LRP1B: variants seen among roughly 807,000 people sequenced by gnomAD.
LRP1B encodes LDL receptor related protein 1B, also known as low-density lipoprotein receptor-related protein 1B.
LRP1B carries 217 observed loss-of-function variants against 556.6 expected under a neutral mutation model. The observed-to-expected ratio is 0.39, with a 90% CI of 0.35 to 0.44. LRP1B has a LOEUF of 0.44. LRP1B is among the 20% of genes least tolerant of loss of function. The probability of loss-of-function intolerance (pLI) is 1.00; values close to 1 mark genes in which losing one functional copy is unlikely to be tolerated. For missense variants in LRP1B, 5,053 were observed against 5,620.8 expected (o/e 0.90, Z 3.23); for synonymous variants, 2,047 against 1,865.8 (o/e 1.10, Z -2.50).
At chr2:141,484,438 T>C (rs1441046858) in intron 2 of LRP1B, among the ~76,000 whole-genome samples, 2 of 151,606 alleles carry the variant, frequency 1.3e-5, no homozygotes, top group Non-Finnish European at 2.9e-5. Flanking sequence ...ATTGACTTGG[T>C]GATGTGGGTT....
chr2:141,229,671 G>A (rs893541217), intron 5 of LRP1B, among the ~76,000 whole-genome samples: 1 of 152,118 alleles, frequency 6.6e-6, no homozygotes, highest in African/African-American at 2.4e-5. Context: ...GTCATAATGT[G>A]TTGTCTAAAT....
intron 41 of LRP1B, among the ~76,000 whole-genome samples, chr2:140,682,911 T>C (rs1467987786): frequency 6.6e-6 from 1 of 152,120 alleles, no homozygotes; most frequent in African/African-American, 2.4e-5. Context: ...TTTCAGAAAA[T>C]ATGAGCCTGA....
At chr2:140,537,009 A>C (rs1679933380) in intron 45 of LRP1B, among the ~76,000 whole-genome samples, 1 of 150,420 alleles carries the variant, frequency 6.6e-6, no homozygotes, top group Admixed American at 6.7e-5. Flanking sequence ...CCGTCTACTA[A>C]AAATACAAAA....
chr2:140,965,274 G>A (rs1696169935), intron 18 of LRP1B, among the ~76,000 whole-genome samples: 1 of 152,034 alleles, frequency 6.6e-6, no homozygotes, highest in Non-Finnish European at 1.5e-5. Flanking sequence ...AGTATTTCTT[G>A]TGGTTCTGCT....
chr2:140,293,258 G>T (rs998472420), intron 84 of LRP1B, among the ~76,000 whole-genome samples: 2 of 152,098 alleles, frequency 1.3e-5, no homozygotes, highest in Non-Finnish European at 2.9e-5. Flanking sequence ...TCAGATATTG[G>T]TTAACCTCAT....
At chr2:141,636,668 G>A (rs955307415) in intron 2 of LRP1B, among the ~76,000 whole-genome samples, 1 of 151,966 alleles carries the variant, frequency 6.6e-6, no homozygotes, top group Non-Finnish European at 1.5e-5. Flanking sequence ...GGTAAAACAT[G>A]TGAACTCAAC....
At chr2:141,400,220 C>G (rs1378635524) in intron 3 of LRP1B, among the ~76,000 whole-genome samples, 1 of 152,122 alleles carries the variant, frequency 6.6e-6, no homozygotes, top group Admixed American at 6.5e-5. Flanking sequence ...CTGAAGCAAT[C>G]CTTCTGCCTC....
At chr2:140,530,792 A>G (rs1421222819) in intron 47 of LRP1B, among the ~76,000 whole-genome samples, 20 of 152,132 alleles carry the variant, frequency 1.3e-4, no homozygotes, top group Non-Finnish European at 1.5e-5. Context: ...TCCAACTGTT[A>G]TAATTTTACC....
chr2:140,764,173 AAAAG>A (rs1307413080), intron 35 of LRP1B, among the ~76,000 whole-genome samples: 2 of 152,128 alleles, frequency 1.3e-5, no homozygotes, highest in African/African-American at 4.8e-5. Flanking sequence ...TAGAAAATAA[AAAAG>A]AGAGAGACTC....
At chr2:141,370,343 C>T (rs533947123) in intron 3 of LRP1B, among the ~76,000 whole-genome samples, 7 of 152,132 alleles carry the variant, frequency 4.6e-5, no homozygotes, top group South Asian at 2.1e-4. Flanking sequence ...ATACTAATTC[C>T]GATTGGTATA....
At chr2:141,543,020 C>A (rs1180728043) in intron 2 of LRP1B, among the ~76,000 whole-genome samples, 1 of 152,088 alleles carries the variant, frequency 6.6e-6, no homozygotes, top group African/African-American at 2.4e-5. Context: ...CAGTTTGCTA[C>A]TATTTGAGTA....
intron 66 of LRP1B, among the ~76,000 whole-genome samples, chr2:140,420,748 A>T (rs956154536): frequency 6.6e-6 from 1 of 152,240 alleles, no homozygotes; most frequent in Non-Finnish European, 1.5e-5. Context: ...AAGCCAGAGA[A>T]AATGAATACA....
chr2:141,783,815 AATAAC>A (rs1695338852), intron 2 of LRP1B, among the ~76,000 whole-genome samples: 1 of 151,890 alleles, frequency 6.6e-6, no homozygotes, highest in Non-Finnish European at 1.5e-5. Context: ...TTCAATTACT[AATAAC>A]ATATCAATTA....
chr2:141,406,853 G>A (rs13002648), intron 3 of LRP1B, among the ~76,000 whole-genome samples: 9,104 of 152,082 alleles, frequency 0.06, 530 homozygotes, highest in African/African-American at 0.15. Context: ...ATTTATATGT[G>A]CTGTAAGCTT....
chr2:142,040,790 A>G (rs1704039985), intron 1 of LRP1B, among the ~76,000 whole-genome samples: 1 of 151,414 alleles, frequency 6.6e-6, no homozygotes, highest in African/African-American at 2.4e-5. Flanking sequence ...TTAGCCTGGC[A>G]GTCCAAATGA....
intron 35 of LRP1B, among the ~76,000 whole-genome samples, chr2:140,733,400 G>C (rs577565121): frequency 1.3e-5 from 2 of 152,208 alleles, no homozygotes; most frequent in South Asian, 4.1e-4. Context: ...TATGTCCGCA[G>C]AAAGCTGTGT....
intron 47 of LRP1B, among the ~76,000 whole-genome samples, chr2:140,532,929 G>GATATATATATATATATATATATAT (rs539867412): frequency 6.0e-5 from 3 of 50,378 alleles, no homozygotes; most frequent in African/African-American, 1.8e-4. Flanking sequence ...CACAGCACAA[G>GATATATATATATATATATATATAT]ATATATATAT....
rs11386363 is a variant in LRP1B, at chr2:140,506,118, G to GTT, written c.8521+676_8521+677dup. ...GGCTTTTCTGATAATTCTGAATTAT[G>GTT]TTTTTTTTACTCAAATATTTGATTT... is the stretch of plus-strand genomic sequence containing the variant. On this transcript the variant is annotated intron_variant, in intron 53 of 90. Transcript: ENST00000389484. Among the ~76,000 whole-genome samples the GTT allele has an allele frequency of 4.6e-3, 694 of 151,714 alleles. 6 individuals are homozygous for GTT. Among genetic ancestry groups the GTT allele is most frequent in the African/African-American group, 0.016 (672 of 41,416 alleles).
intron 21 of LRP1B, among the ~76,000 whole-genome samples, chr2:140,914,224 C>T (rs764414873): frequency 1.3e-5 from 2 of 151,846 alleles, no homozygotes; most frequent in Non-Finnish European, 2.9e-5. Flanking sequence ...ACACAGTTGG[C>T]CACACAAGGA....
Sources: gnomAD v4.1 joint callset for allele counts (sites outside exome capture counted in the v4.1 genomes callset) on GRCh38, gnomAD v4.1.1 for gene constraint, MANE v1.5 for transcripts, NCBI Gene and HGNC (gene_info 2026-07-23, HGNC 2026-07-21) for gene names.